Variants in CACNA1A observed in about 807,000 individuals in gnomAD.
CACNA1A encodes the protein voltage-dependent P/Q-type calcium channel subunit alpha-1A.
CACNA1A carries 57 observed loss-of-function variants against 262.4 expected under a neutral mutation model. That is an observed-to-expected ratio of 0.22 (90% CI 0.18 to 0.27). The LOEUF is 0.27. Among genes scored for constraint, CACNA1A ranks in the 10% least tolerant of loss-of-function variants. The probability of loss-of-function intolerance (pLI) is 1.00; values close to 1 mark genes in which losing one functional copy is unlikely to be tolerated. For missense variants in CACNA1A, 2,526 were observed against 3,562.8 expected (o/e 0.71, Z 7.41); for synonymous variants, 1,431 against 1,419.3 (o/e 1.01, Z -0.18).
intron 22 of CACNA1A, among the ~76,000 whole-genome samples, chr19:13,279,952 TTG>T (rs2057250539): frequency 6.6e-6 from 1 of 151,534 alleles, no homozygotes; most frequent in African/African-American, 2.4e-5. Flanking sequence ...GGGATTACAG[TTG>T]TGTGTTACCA....
Position 13,308,778 on chromosome 19 carries a change from G to A in CACNA1A, c.1669-250C>T, listed in dbSNP as rs1427767934. 1 of 319,246 alleles carries A rather than the reference G, an allele frequency of 3.1e-6. No individual in the cohort carries two copies. The highest frequency in any genetic ancestry group is 5.7e-6 in the Non-Finnish European group (1 of 174,436). The allele number at this position is 319,246 out of a possible 1,614,324, so 19.8% of individuals were successfully genotyped here. A position where few individuals can be genotyped will look rare whatever the true frequency, so the allele number is the denominator to read the frequency against. ...TGCAGCACTGTCCTCCTGGGCTTAA[G>A]TGATCCTCCCACCTCAGCCTCTTGA... On this transcript the variant is annotated intron_variant, in intron 12 of 46. Transcript: ENST00000360228. The surrounding 1 kb of genome is among the most constrained non-coding windows in gnomAD (Gnocchi z 4.2).
At chr19:13,387,984 G>A (rs549988942) in intron 3 of CACNA1A, among the ~76,000 whole-genome samples, 8 of 152,186 alleles carry the variant, frequency 5.3e-5, no homozygotes, top group Non-Finnish European at 1.0e-4. Flanking sequence ...AGAGGAGACA[G>A]GAGAGTGAGA....
rs2057741862 is a variant in CACNA1A at position 13,299,364 on chromosome 19, A to G, written c.2280-11T>C. 1 of 1,598,584 alleles carries G rather than the reference A, an allele frequency of 6.3e-7. No homozygotes were observed. The highest frequency in any genetic ancestry group is 8.5e-7 in the Non-Finnish European group (1 of 1,179,054). On this transcript the variant is annotated splice_polypyrimidine_tract_variant and intron_variant, in intron 18 of 46. Transcript: ENST00000360228. ...TTCTGTTGCTCTTTCCTGCAGTGGC[A>G]TGGTCACAGGACTTAGAGCATTGCT...
intron 1 of CACNA1A, among the ~76,000 whole-genome samples, chr19:13,491,496 G>A (rs774356536): frequency 6.6e-6 from 1 of 152,156 alleles, no homozygotes; most frequent in Non-Finnish European, 1.5e-5. Context: ...AGCAAGGGCA[G>A]GAGCCAAGAA....
chr19:13,240,972 G>A (rs1480351001), intron 31 of CACNA1A, among the ~76,000 whole-genome samples: 1 of 152,250 alleles, frequency 6.6e-6, no homozygotes, highest in Non-Finnish European at 1.5e-5. Flanking sequence ...CACACTGCCT[G>A]GCCTTCAGGT....
intron 3 of CACNA1A, among the ~76,000 whole-genome samples, chr19:13,410,157 T>G (rs992541528): frequency 6.6e-6 from 1 of 152,092 alleles, no homozygotes; most frequent in Non-Finnish European, 1.5e-5. Context: ...GACACTCTTC[T>G]TCCTCCAGCA....
intron 36 of CACNA1A, chr19:13,228,932 C>A: frequency 2.0e-6 from 1 of 488,298 alleles, no homozygotes; most frequent in Non-Finnish European, 3.7e-6. Context: ...AAGTGAAGGT[C>A]CCCAGTACAT....
chr19:13,243,461 G>A (rs2056135755), intron 31 of CACNA1A, among the ~76,000 whole-genome samples: 1 of 152,176 alleles, frequency 6.6e-6, no homozygotes, highest in African/African-American at 2.4e-5. Context: ...GGACACCCCA[G>A]GAGCTGTCAG....
At position 13,455,455 on chromosome 19, in the gene CACNA1A, C is replaced by T. The variant is rs144968596; in HGVS notation, c.294-243G>A. ...TATCTCACCCACAATATTCACTGAACACATATTCATTCAGTACCTGCTGTG... is the reference window on the plus strand; with the variant it reads ...TATCTCACCCACAATATTCACTGAATACATATTCATTCAGTACCTGCTGTG... On this transcript the variant is annotated intron_variant, in intron 1 of 46. Transcript: ENST00000360228. 4.5e-4 allele frequency among the ~76,000 whole-genome samples: 68 copies of T among 152,266 alleles called. No homozygotes were observed. The East Asian group carries it at 7.7e-3, about 17-fold the overall frequency.
intron 1 of CACNA1A, among the ~76,000 whole-genome samples, chr19:13,488,708 T>G (rs1165642420): frequency 6.6e-6 from 1 of 151,952 alleles, no homozygotes; most frequent in Non-Finnish European, 1.5e-5. Context: ...CCTCAGCATT[T>G]TTAAAGCTTC....
chr19:13,435,746 T>C (rs2060600828), intron 3 of CACNA1A, among the ~76,000 whole-genome samples: 1 of 152,156 alleles, frequency 6.6e-6, no homozygotes, highest in African/African-American at 2.4e-5. Flanking sequence ...CATGACTGTC[T>C]GACTGCAGGG....
rs758512477 is a variant in CACNA1A at position 13,359,675 on chromosome 19, G to A, written c.909C>T (p.Asn303=). The A allele has an allele frequency of 1.9e-6, 3 of 1,608,740 alleles. No homozygotes were observed. In the South Asian group the frequency reaches 3.3e-5, roughly 18 times the overall value. Residue 303 remains asparagine, a synonymous_variant, in exon 6 of 47, where the codon AAC becomes AAT. Transcript: ENST00000360228. Reference sequence around the variant, plus strand: ...AAACAGTCAGCACTGCAAACAGGATGTTGTCGAACTGAGTGATCCCGTTGT... The same window carrying A: ...AAACAGTCAGCACTGCAAACAGGATATTGTCGAACTGAGTGATCCCGTTGT... ...GPNNGITQFD[N]ILFAVLTVFQ...
intron 44 of CACNA1A, among the ~76,000 whole-genome samples, chr19:13,210,333 T>G: frequency 1.3e-5 from 2 of 150,056 alleles, no homozygotes; most frequent in South Asian, 2.1e-4. Flanking sequence ...AGGTGCAGAG[T>G]GGGCCAGGCT....
At chr19:13,348,254 G>T (rs556024907) in intron 6 of CACNA1A, among the ~76,000 whole-genome samples, 2 of 152,138 alleles carry the variant, frequency 1.3e-5, no homozygotes, top group Non-Finnish European at 2.9e-5. Context: ...CAAATTAAAC[G>T]CAGTTTTTCT....
chr19:13,244,791 T>G, intron 31 of CACNA1A: 1 of 188,628 alleles, frequency 5.3e-6, no homozygotes, highest in Non-Finnish European at 1.1e-5. Context: ...GAGGGTTGGT[T>G]CAAACAGAAT....
At chr19:13,420,595 C>T (rs753105213) in intron 3 of CACNA1A, among the ~76,000 whole-genome samples, 44 of 152,072 alleles carry the variant, frequency 2.9e-4, no homozygotes, top group Admixed American at 2.4e-3. Context: ...CCAGAAGAGG[C>T]AAGGAAGAAT....
chr19:13,468,682 G>C (rs1448542546), intron 1 of CACNA1A, among the ~76,000 whole-genome samples: 1 of 152,174 alleles, frequency 6.6e-6, no homozygotes, highest in African/African-American at 2.4e-5. Context: ...AGCTACTTAG[G>C]AGGCTGAGGC....
chr19:13,497,420 G>A lies in CACNA1A; in HGVS notation c.293+8512C>T, dbSNP rs567214838. ...ATCGTCCTGCTTGAACCCGGGAGGC[G>A]GAGGTTGCAGTGAGCCGAGATCGCG... On this transcript the variant is annotated intron_variant, in intron 1 of 46. Coordinates refer to ENST00000360228, the MANE Select transcript of CACNA1A (RefSeq NM_001127222.2). 8.1e-4 allele frequency among the ~76,000 whole-genome samples: 111 copies of A among 136,634 alleles called. 2 individuals carry two copies. The highest frequency in any genetic ancestry group is 2.9e-3 in the African/African-American group (106 of 36,394). The allele number at this position is 136,634 out of a possible 152,430, so 89.6% of individuals were successfully genotyped here.
Position 13,506,289 on chromosome 19 carries a change from C to T in CACNA1A, c.-65G>A, listed in dbSNP as rs549054548. 2 of 1,345,540 alleles carry T rather than the reference C, an allele frequency of 1.5e-6. No homozygotes were observed. Among genetic ancestry groups the T allele is most frequent in the East Asian group, 2.9e-5 (1 of 34,240 alleles). The allele number at this position is 1,345,540 out of a possible 1,614,324, so 83.4% of individuals were successfully genotyped here. ...ACGATGCGGAAGACGCCGCCGCCGC[C>T]GCCGCCGCCGCTGATGCTGAGGCTG... is the stretch of plus-strand genomic sequence containing the variant. On this transcript the variant is annotated 5_prime_UTR_variant, in exon 1 of 47. Coordinates refer to ENST00000360228, the MANE Select transcript of CACNA1A (RefSeq NM_001127222.2).
Sources: gnomAD v4.1 joint callset for allele counts (sites outside exome capture counted in the v4.1 genomes callset) on GRCh38, gnomAD v4.1.1 for gene constraint, Gnocchi (gnomAD v3.1) non-coding constraint, MANE v1.5 for transcripts, NCBI Gene and HGNC (gene_info 2026-07-23, HGNC 2026-07-21) for gene names.